The following MCF2L variants were observed in gnomAD, a reference collection of about 807,000 sequenced individuals.
MCF2L encodes the protein MCF.2 cell line derived transforming sequence like, also known as guanine nucleotide exchange factor DBS.
A neutral mutation model predicts 153.4 loss-of-function variants in MCF2L; 97 were observed. The observed-to-expected ratio is 0.63, with a 90% CI of 0.54 to 0.75. The LOEUF is 0.75. Ranked by LOEUF, MCF2L falls within the 30% of genes least tolerant of loss-of-function variation. MCF2L has a pLI of 0.00. For synonymous variants in MCF2L, 659 were observed against 632.2 expected, an observed-to-expected ratio of 1.04 and a Z score of -0.64; for missense variants, 1,347 against 1,495.2, an observed-to-expected ratio of 0.90 and a Z score of 1.64.
At chr13:112,927,122 A>T (rs893566446) in intron 2 of MCF2L, among the ~76,000 whole-genome samples, 3 of 152,218 alleles carry the variant, frequency 2.0e-5, no homozygotes, top group Admixed American at 2.0e-4. Flanking sequence ...TAGCTGGAGA[A>T]GTGGGGAGGG....
At chr13:112,996,401 C>T (rs1262419245) in intron 1 of MCF2L, among the ~76,000 whole-genome samples, 1 of 152,212 alleles carries the variant, frequency 6.6e-6, no homozygotes, top group Non-Finnish European at 1.5e-5. Context: ...ATCTAGCCAG[C>T]TGTAGTGACC....
chr13:112,922,530 T>TAA (rs767874814), intron 2 of MCF2L, among the ~76,000 whole-genome samples: 47 of 137,240 alleles, frequency 3.4e-4, no homozygotes, highest in South Asian at 1.9e-3. Context: ...TCACAACACA[T>TAA]AAAAAAAAAA....
Position 113,014,864 on chromosome 13 carries a change from G to C in MCF2L, c.163+18G>C. On this transcript the variant is annotated intron_variant, in intron 2 of 29. Transcript: ENST00000535094. ...CCTGTCCGGTGAGTTCCAGAAGCTG[G>C]GATGGGGTGGAGAGGGAGGGGTCTG... is the stretch of plus-strand genomic sequence containing the variant. 6.2e-7 allele frequency: 1 copy of C among 1,612,620 alleles called. No homozygotes were observed. The highest frequency in any genetic ancestry group is 8.5e-7 in the Non-Finnish European group (1 of 1,178,884).
chr13:113,067,223 G>C (rs1479758813), intron 8 of MCF2L, among the ~76,000 whole-genome samples: 1 of 151,748 alleles, frequency 6.6e-6, no homozygotes, highest in African/African-American at 2.4e-5. Flanking sequence ...GGCAGAGGTC[G>C]CAGTGAGCCG....
chr13:112,990,058 G>T (rs1214921214), intron 1 of MCF2L, among the ~76,000 whole-genome samples: 1 of 152,108 alleles, frequency 6.6e-6, no homozygotes, highest in African/African-American at 2.4e-5. Flanking sequence ...TCACTCACCC[G>T]CCACTCACCT....
At chr13:113,071,146 T>G (rs2032878064) in intron 9 of MCF2L, among the ~76,000 whole-genome samples, 1 of 152,196 alleles carries the variant, frequency 6.6e-6, no homozygotes, top group Non-Finnish European at 1.5e-5. Context: ...GTGTTGATGG[T>G]GCTAAACACC....
chr13:113,057,692 G>C (rs2030395102), intron 4 of MCF2L, among the ~76,000 whole-genome samples: 1 of 143,046 alleles, frequency 7.0e-6, no homozygotes, highest in African/African-American at 2.6e-5. Flanking sequence ...TGGGTGCTGA[G>C]TGTTTGGGTG....
intron 2 of MCF2L, among the ~76,000 whole-genome samples, chr13:112,930,098 T>C (rs564395829): frequency 9.2e-5 from 14 of 152,280 alleles, no homozygotes; most frequent in African/African-American, 3.4e-4. Flanking sequence ...GAGCTCTCGT[T>C]CACTGGGATG....
intron 2 of MCF2L, chr13:112,957,890 A>T (rs1304152456): frequency 1.3e-5 from 2 of 152,182 alleles, no homozygotes; most frequent in Non-Finnish European, 2.9e-5. Flanking sequence ...TTTATCACTT[A>T]GTTTTTATTT....
chr13:113,014,341 T>C (rs1368562181), intron 1 of MCF2L, among the ~76,000 whole-genome samples: 1 of 152,200 alleles, frequency 6.6e-6, no homozygotes, highest in Non-Finnish European at 1.5e-5. Context: ...GGCCACAAGT[T>C]ACTGCACCTG....
At chr13:113,072,387 G>A (rs560774005) in intron 9 of MCF2L, among the ~76,000 whole-genome samples, 9 of 152,258 alleles carry the variant, frequency 5.9e-5, no homozygotes, top group African/African-American at 2.2e-4. Context: ...TCCACCATAT[G>A]ATAAGAGTGG....
chr13:113,072,336 C>T (rs1351818426), intron 9 of MCF2L, among the ~76,000 whole-genome samples: 1 of 152,164 alleles, frequency 6.6e-6, no homozygotes. Flanking sequence ...ACCCCCCACC[C>T]ACAACACCCT....
intron 2 of MCF2L, among the ~76,000 whole-genome samples, chr13:112,931,368 T>A (rs1015310183): frequency 6.6e-6 from 1 of 152,238 alleles, no homozygotes; most frequent in African/African-American, 2.4e-5. Flanking sequence ...TCGGCAGTGC[T>A]GACGCTGCTC....
intron 21 of MCF2L, among the ~76,000 whole-genome samples, chr13:113,086,918 C>T (rs763881783): frequency 1.1e-4 from 16 of 152,138 alleles, no homozygotes; most frequent in Non-Finnish European, 1.5e-4. Context: ...GGGCCGTTCC[C>T]CTTGGAGCTC....
At chr13:113,091,076 A>C in intron 26 of MCF2L, 2 of 1,304,004 alleles carry the variant, frequency 1.5e-6, no homozygotes, top group South Asian at 1.2e-5. Context: ...TCCGTCCTTC[A>C]CACTCTCTCT....
At chr13:113,022,738 G>A (rs555166390) in intron 2 of MCF2L, among the ~76,000 whole-genome samples, 2 of 152,346 alleles carry the variant, frequency 1.3e-5, no homozygotes, top group Non-Finnish European at 2.9e-5. Context: ...TGAGACGTGC[G>A]TGAGCCACAT....
At chr13:113,057,190 T>G (rs1011360564) in intron 4 of MCF2L, among the ~76,000 whole-genome samples, 11 of 142,028 alleles carry the variant, frequency 7.7e-5, no homozygotes, top group Non-Finnish European at 1.5e-4. Context: ...GTGCTGTGTG[T>G]TTTGGTGCTG....
chr13:112,899,098 G>A (rs990460856), intron 1 of MCF2L, among the ~76,000 whole-genome samples: 4 of 152,352 alleles, frequency 2.6e-5, no homozygotes, highest in Non-Finnish European at 5.9e-5. Context: ...TTGTGTCCTC[G>A]GCACCTGCGT....
intron 12 of MCF2L, 93 bp from the exon 13 acceptor site, chr13:113,076,959 T>C (rs899392402): frequency 7.3e-7 from 1 of 1,363,414 alleles, no homozygotes; most frequent in Non-Finnish European, 1.0e-6. Flanking sequence ...AAAGCGGGGG[T>C]TGGGCGTGCC....
Sources: gnomAD v4.1 joint callset for allele counts (sites outside exome capture counted in the v4.1 genomes callset) on GRCh38, gnomAD v4.1.1 for gene constraint, MANE v1.5 for transcripts, NCBI Gene and HGNC (gene_info 2026-07-23, HGNC 2026-07-21) for gene names.